NCALD: variants seen among roughly 807,000 people sequenced by gnomAD.
NCALD encodes neurocalcin delta.
Under a neutral mutation model 18.6 loss-of-function variants are expected in NCALD, and 10 were observed. The observed-to-expected ratio is 0.54, with a 90% confidence interval of 0.33 to 0.91. NCALD has a LOEUF of 0.91. Ranked by LOEUF, NCALD falls within the 40% of genes least tolerant of loss-of-function variation. NCALD has a pLI of 0.03. For synonymous variants in NCALD, 88 were observed against 87.4 expected (o/e 1.01, Z -0.04); for missense variants, 184 against 247.6 (o/e 0.74, Z 1.72).
intron 2 of NCALD, among the ~76,000 whole-genome samples, chr8:101,936,581 G>A (rs1235134725): frequency 1.3e-5 from 2 of 152,190 alleles, no homozygotes; most frequent in East Asian, 3.8e-4. Context: ...CAAAGTCAGG[G>A]TAGAGGTTCT....
chr8:101,968,883 G>GCC (rs1179080899), intron 2 of NCALD, among the ~76,000 whole-genome samples: 1 of 152,186 alleles, frequency 6.6e-6, no homozygotes, highest in Non-Finnish European at 1.5e-5. Context: ...GAAAGAGCCT[G>GCC]CCTGAAGCCC....
chr8:101,939,437 T>G (rs1311378574), intron 2 of NCALD, among the ~76,000 whole-genome samples: 2 of 152,218 alleles, frequency 1.3e-5, no homozygotes, highest in Non-Finnish European at 2.9e-5. Flanking sequence ...CATTACTAAG[T>G]AGGTTGTCTC....
At chr8:102,015,605 C>T (rs1292810285) in intron 2 of NCALD, among the ~76,000 whole-genome samples, 1 of 152,040 alleles carries the variant, frequency 6.6e-6, no homozygotes, top group Non-Finnish European at 1.5e-5. Context: ...CTCATCCTAA[C>T]AACAAGAAAA....
intron 1 of NCALD, among the ~76,000 whole-genome samples, chr8:102,096,547 T>C (rs1587073415): frequency 6.6e-6 from 1 of 152,346 alleles, no homozygotes; most frequent in Non-Finnish European, 1.5e-5. Flanking sequence ...AGATGGGAAA[T>C]TGAAAGTACC....
At chr8:101,986,075 G>C (rs2131960999) in intron 2 of NCALD, among the ~76,000 whole-genome samples, 1 of 151,570 alleles carries the variant, frequency 6.6e-6, no homozygotes, top group South Asian at 2.1e-4. Flanking sequence ...GTATCACTCT[G>C]TCGCCCAGGC....
intron 2 of NCALD, among the ~76,000 whole-genome samples, chr8:101,930,008 T>A (rs1029988511): frequency 6.6e-6 from 1 of 152,054 alleles, no homozygotes; most frequent in East Asian, 1.9e-4. Flanking sequence ...TGAGCCAAGA[T>A]CACACCACTG....
intron 2 of NCALD, among the ~76,000 whole-genome samples, chr8:101,923,873 A>G (rs532309331): frequency 6.6e-6 from 1 of 152,350 alleles, no homozygotes; most frequent in East Asian, 1.9e-4. Context: ...AACCTTTATT[A>G]ACATATTTAT....
intron 4 of NCALD, among the ~76,000 whole-genome samples, chr8:101,807,155 T>C (rs966727002): frequency 1.3e-5 from 2 of 152,088 alleles, no homozygotes; most frequent in Non-Finnish European, 2.9e-5. Context: ...CAAGAAATAC[T>C]AATGGAAGTT....
intron 1 of NCALD, among the ~76,000 whole-genome samples, chr8:101,773,472 C>G (rs987424069): frequency 1.3e-5 from 2 of 152,198 alleles, no homozygotes; most frequent in Non-Finnish European, 2.9e-5. Context: ...TGCAGGGGCT[C>G]TAATAGTAGG....
chr8:101,981,735 T>C (rs1448797007), intron 2 of NCALD, among the ~76,000 whole-genome samples: 1 of 151,486 alleles, frequency 6.6e-6, no homozygotes, highest in Non-Finnish European at 1.5e-5. Context: ...TAAGGAACTA[T>C]AACCTATTTA....
At chr8:101,879,898 G>A (rs1232285843) in intron 4 of NCALD, among the ~76,000 whole-genome samples, 3 of 152,190 alleles carry the variant, frequency 2.0e-5, no homozygotes, top group Non-Finnish European at 4.4e-5. Flanking sequence ...ACCCAACTCA[G>A]GAAACCAGCT....
At chr8:101,883,378 C>T (rs993645933) in intron 4 of NCALD, among the ~76,000 whole-genome samples, 7 of 152,210 alleles carry the variant, frequency 4.6e-5, no homozygotes, top group Admixed American at 3.9e-4. Flanking sequence ...AAGAAATAGA[C>T]TCTGAAATGC....
chr8:101,994,214 A>G (rs1447182792), intron 2 of NCALD, among the ~76,000 whole-genome samples: 1 of 152,168 alleles, frequency 6.6e-6, no homozygotes, highest in Non-Finnish European at 1.5e-5. Context: ...GACCATTCAG[A>G]GCCAAGGGAG....
At chr8:101,915,999 AAT>A (rs1370638315) in intron 2 of NCALD, 1 of 152,162 alleles carries the variant, frequency 6.6e-6, no homozygotes, top group Non-Finnish European at 1.5e-5. Context: ...ACTTGTTAAT[AAT>A]ATGTTTTGGA....
intron 2 of NCALD, among the ~76,000 whole-genome samples, chr8:102,004,358 C>T (rs1233710417): frequency 6.6e-6 from 1 of 151,982 alleles, no homozygotes; most frequent in African/African-American, 2.4e-5. Flanking sequence ...AACTACAAAC[C>T]ACTGCTCAAG....
intron 1 of NCALD, among the ~76,000 whole-genome samples, chr8:102,108,921 T>G (rs190404737): frequency 6.6e-6 from 1 of 152,296 alleles, no homozygotes; most frequent in Non-Finnish European, 1.5e-5. Flanking sequence ...ACTATCGGAT[T>G]GGAAAGCAGG....
At chr8:101,799,449 C>T (rs540741153) in intron 4 of NCALD, among the ~76,000 whole-genome samples, 7 of 152,296 alleles carry the variant, frequency 4.6e-5, no homozygotes, top group African/African-American at 1.4e-4. Context: ...AACGAAGACA[C>T]GCTAACACAA....
intron 1 of NCALD, among the ~76,000 whole-genome samples, chr8:101,780,312 T>C (rs1811959233): frequency 6.6e-6 from 1 of 152,146 alleles, no homozygotes; most frequent in Non-Finnish European, 1.5e-5. Context: ...CCATCTCCTT[T>C]CCTTTAACAT....
At chr8:101,897,179 T>C (rs1196081328) in intron 3 of NCALD, among the ~76,000 whole-genome samples, 2 of 120,878 alleles carry the variant, frequency 1.7e-5, no homozygotes, top group African/African-American at 3.3e-5. Flanking sequence ...TGGAATACTA[T>C]GCAGCCATAA....
Sources: allele counts gnomAD v4.1 joint callset (sites outside exome capture counted in the v4.1 genomes callset), GRCh38; gene constraint gnomAD v4.1.1; transcripts MANE v1.5; gene names NCBI Gene and HGNC (gene_info 2026-07-23, HGNC 2026-07-21).